The following CNDP2 variants were observed in gnomAD, a reference collection of about 807,000 sequenced individuals.
CNDP2 encodes the protein cytosolic non-specific dipeptidase.
In CNDP2, 38 loss-of-function variants were observed where a neutral mutation model predicts 55.0. That is an observed-to-expected ratio of 0.69 (90% confidence interval 0.53 to 0.90). The LOEUF is 0.90. Ranked by LOEUF, CNDP2 falls within the 40% of genes least tolerant of loss-of-function variation. CNDP2 has a pLI of 0.00. For missense variants in CNDP2, 607 were observed against 621.7 expected, an observed-to-expected ratio of 0.98 and a Z score of 0.25; for synonymous variants, 241 against 260.2, an observed-to-expected ratio of 0.93 and a Z score of 0.71.
In CNDP2 at chr18:74,510,868, A is replaced by C; in HGVS notation, c.512A>C (p.Glu171Ala). Residue 171 changes from glutamate (E) to alanine (A), a missense_variant, in exon 6 of 12, where the codon GAG becomes GCG. Physicochemically the swap from Glu to Ala is moderately radical, Grantham distance 107. Transcript: ENST00000324262. Reference protein sequence around the residue: ...CLEGMEESGSEGLDELIFARK... With the variant: ...CLEGMEESGSAGLDELIFARK... ...GAAGGCATGGAGGAGTCAGGCTCTG[A>C]GGGCCTAGACGAGCTGATTTTTGCC... is the stretch of plus-strand genomic sequence containing the variant. The C allele has an allele frequency of 1.2e-6, 2 of 1,614,200 alleles. No homozygotes were observed. The highest frequency in any genetic ancestry group is 2.2e-5 in the East Asian group (1 of 44,888).
In CNDP2 at chr18:74,518,628, G is replaced by A. The variant is rs1979858194; in HGVS notation, c.1198G>A (p.Ala400Thr). The change falls in exon 10 of 12, where the codon GCC (alanine) becomes ACC (threonine). Residue 400 changes from alanine (A) to threonine (T), a missense_variant. Ala to Thr is a moderately conservative substitution (Grantham distance 58). Transcript: ENST00000324262. ...CCCTCATTACCTGGCTGGGAGAAGA[G>A]CCATGAAGACAGGTTGGACGCTCTC... ...SHPHYLAGRR[A>T]MKTVFGVEPD... 1 of 1,614,084 alleles carries A rather than the reference G, an allele frequency of 6.2e-7. No individual in the cohort carries two copies. The highest frequency in any genetic ancestry group is 8.5e-7 in the Non-Finnish European group (1 of 1,180,050).
In CNDP2 at chr18:74,523,245, TCTGA is replaced by T. The variant is rs1264073033; in HGVS notation, c.*3180_*3183del. ...TTTGTAAAACCCTGGACTGAATGGG[TCTGA>T]CTAACGGCTGGTTCTGTGAACTTGA... On this transcript the variant is annotated 3_prime_UTR_variant, in exon 12 of 12. Transcript: ENST00000324262. 6.6e-6 allele frequency: 1 copy of T among 152,194 alleles called. No homozygotes were observed. The highest frequency in any genetic ancestry group is 1.5e-5 in the Non-Finnish European group (1 of 68,040). The allele number at this position is 152,194 out of a possible 1,614,324, so 9.4% of individuals were successfully genotyped here.
chr18:74,505,801 A>G (rs747199766), intron 3 of CNDP2, 48 bp from the exon 4 acceptor site: 3 of 1,608,680 alleles, frequency 1.9e-6, no homozygotes, highest in African/African-American at 2.7e-5. Context: ...TAAGCACTGA[A>G]TTTCTTAAAC....
At chr18:74,515,992 A>G (rs146461430) in intron 8 of CNDP2, among the ~76,000 whole-genome samples, 35 of 152,322 alleles carry the variant, frequency 2.3e-4, no homozygotes, top group African/African-American at 8.4e-4. Flanking sequence ...CGCTGCAGCG[A>G]CGGGCAGTGA....
At position 74,499,954 on chromosome 18, in the gene CNDP2, G is replaced by T. The variant is rs1370501699; in HGVS notation, c.-20G>T. ...CTTCCAAGAACCTTCGAGATCTGCG[G>T]TCTGGGGTCTGGTTGAAAGATGGCG... is the stretch of plus-strand genomic sequence containing the variant. On this transcript the variant is annotated 5_prime_UTR_variant, in exon 2 of 12. Coordinates refer to ENST00000324262, the MANE Select transcript of CNDP2 (RefSeq NM_018235.3). 2 of 1,613,378 alleles carry T rather than the reference G, an allele frequency of 1.2e-6. No individual in the cohort carries two copies. The highest frequency in any genetic ancestry group is 1.7e-5 in the Admixed American group (1 of 59,948).
chr18:74,502,491 A>ATTTT (rs1978764490), intron 3 of CNDP2, among the ~76,000 whole-genome samples: 1 of 144,464 alleles, frequency 6.9e-6, no homozygotes, highest in African/African-American at 2.6e-5. Context: ...TTTTGTCGGG[A>ATTTT]TGGGGTTTCA....
chr18:74,501,503 C>T (rs912107297), intron 3 of CNDP2, 31 bp downstream of exon 3: 1 of 1,585,246 alleles, frequency 6.3e-7, no homozygotes, highest in Non-Finnish European at 8.6e-7. Flanking sequence ...CATTGCAGGA[C>T]CGTAGACAGA....
At chr18:74,506,956 C>T (rs951793534) in intron 4 of CNDP2, 1 of 152,328 alleles carries the variant, frequency 6.6e-6, no homozygotes, top group African/African-American at 2.4e-5. Flanking sequence ...AGGCTCTTCT[C>T]ATCGAAGCCC....
At chr18:74,503,404 A>C (rs1978824045) in intron 3 of CNDP2, among the ~76,000 whole-genome samples, 1 of 152,136 alleles carries the variant, frequency 6.6e-6, no homozygotes, top group Non-Finnish European at 1.5e-5. Flanking sequence ...GACTTGATGC[A>C]GGGGTGAAGG....
Position 74,510,837 on chromosome 18 carries a change from TGCCTCGAAG to T in CNDP2, c.484_492del (p.Leu162_Gly164del). On this transcript the variant is annotated inframe_deletion, in exon 6 of 12. Transcript: ENST00000324262. ...GGAGATTCCTGTCAACGTCCGATTC[TGCCTCGAAG>T]GCATGGAGGAGTCAGGCTCTGAGGG... 1 of 1,614,100 alleles carries T rather than the reference TGCCTCGAAG, an allele frequency of 6.2e-7. No homozygotes were observed. The highest frequency in any genetic ancestry group is 8.5e-7 in the Non-Finnish European group (1 of 1,179,994).
At position 74,519,038 on chromosome 18, in the gene CNDP2, C is replaced by T. The variant is rs752201853; in HGVS notation, c.1300C>T (p.Leu434=). The part of the protein sequence containing the change: ...FQEATGKNVM[L]LPVGSADDGA... Reference sequence around the variant, plus strand: ...GGAGGCCACGGGCAAGAACGTCATGCTGCTGCCTGTGGGGTCAGCGGATGA... The same window carrying T: ...GGAGGCCACGGGCAAGAACGTCATGTTGCTGCCTGTGGGGTCAGCGGATGA... Residue 434 remains leucine (L), a synonymous_variant, in exon 11 of 12, where the codon CTG becomes TTG. Transcript: ENST00000324262. 3.7e-6 allele frequency: 6 copies of T among 1,614,080 alleles called. No individual in the cohort carries two copies. Among genetic ancestry groups the T allele is most frequent in the Admixed American group, 1.7e-5 (1 of 60,034 alleles).
chr18:74,502,186 A>C (rs188891193), intron 3 of CNDP2, among the ~76,000 whole-genome samples: 2 of 152,208 alleles, frequency 1.3e-5, no homozygotes, highest in East Asian at 3.9e-4. Flanking sequence ...TTTTCATAAG[A>C]GATATTTTGT....
At chr18:74,512,150 T>G in intron 6 of CNDP2, 2 of 311,116 alleles carry the variant, frequency 6.4e-6, no homozygotes, top group Non-Finnish European at 1.2e-5. Flanking sequence ...TGCAGGGTCT[T>G]TGTTAAACTT....
rs758062493 is a variant in CNDP2, at chr18:74,501,265, G to A, written c.61-64G>A. On this transcript the variant is annotated intron_variant, in intron 2 of 11. Coordinates refer to ENST00000324262, the MANE Select transcript of CNDP2 (RefSeq NM_018235.3). ...TGAGCCTGGAATGTGGCAACGTTAC[G>A]GGAGCCTCTTCTCCCTCAAGGACAC... The A allele has an allele frequency of 7.5e-5, 117 of 1,559,422 alleles. 2 individuals are homozygous for A. The Admixed American group carries it at 2.0e-3, about 27-fold the overall frequency.
At chr18:74,504,768 G>A (rs1363078168) in intron 3 of CNDP2, 3 of 152,164 alleles carry the variant, frequency 2.0e-5, no homozygotes, top group Non-Finnish European at 2.9e-5. Flanking sequence ...AGCATCTCCT[G>A]CCACTTGCTT....
intron 6 of CNDP2, 157 bp downstream of exon 6, chr18:74,511,170 T>C: frequency 1.6e-6 from 1 of 631,364 alleles, no homozygotes; most frequent in Non-Finnish European, 2.7e-6. Flanking sequence ...TAAACCACCG[T>C]CCTACACCAG....
At position 74,521,954 on chromosome 18, in the gene CNDP2, A is replaced by T. The variant is rs189443936; in HGVS notation, c.*1886A>T. The T allele has an allele frequency of 6.6e-6, 1 of 152,376 alleles. No individual in the cohort carries two copies. Among genetic ancestry groups the T allele is most frequent in the East Asian group, 1.9e-4 (1 of 5,182 alleles). 9.4% of individuals were successfully genotyped at this position (152,376 alleles called of 1,614,324 possible). On this transcript the variant is annotated 3_prime_UTR_variant, in exon 12 of 12. Transcript: ENST00000324262. Reference sequence around the variant, plus strand: ...GCAGTAATGACACGTCCACATCAGCACCCCCAACACCACTCCCTGAGGAGG... The same window carrying T: ...GCAGTAATGACACGTCCACATCAGCTCCCCCAACACCACTCCCTGAGGAGG...
intron 8 of CNDP2, among the ~76,000 whole-genome samples, chr18:74,515,185 G>A (rs1193095217): frequency 6.6e-6 from 1 of 152,190 alleles, no homozygotes. Context: ...GAGATGGTGA[G>A]CCCGGCCAGG....
Position 74,518,929 on chromosome 18 carries a change from T to C in CNDP2, c.1211-20T>C. 6.5e-7 allele frequency: 1 copy of C among 1,547,880 alleles called. No homozygotes were observed. Among genetic ancestry groups the C allele is most frequent in the Non-Finnish European group, 8.7e-7 (1 of 1,154,224 alleles). On this transcript the variant is annotated intron_variant, in intron 10 of 11. Coordinates refer to ENST00000324262, the MANE Select transcript of CNDP2 (RefSeq NM_018235.3). ...TAGGGCCCCAAAGCTCACCGTTTAT[T>C]TTATTTCATTTCCCCCCAGTTTTTG...
Sources: gnomAD v4.1 joint callset for allele counts (sites outside exome capture counted in the v4.1 genomes callset) on GRCh38, gnomAD v4.1.1 for gene constraint, MANE v1.5 for transcripts, NCBI Gene and HGNC (gene_info 2026-07-23, HGNC 2026-07-21) for gene names.